SGCD: variants seen among roughly 807,000 people sequenced by gnomAD.
SGCD encodes the protein sarcoglycan delta.
Under a neutral mutation model 36.6 loss-of-function variants are expected in SGCD, and 18 were observed. The observed-to-expected ratio is 0.49, with a 90% CI of 0.34 to 0.73. The LOEUF (loss-of-function observed/expected upper bound fraction) is 0.73. SGCD is among the 30% of genes least tolerant of loss of function. The pLI is 0.01. For missense variants in SGCD, 387 were observed against 346.7 expected, an observed-to-expected ratio of 1.12 and a Z score of -0.92; for synonymous variants, 133 against 130.6, an observed-to-expected ratio of 1.02 and a Z score of -0.12.
At chr5:156,034,773 A>G (rs1210099963) in intron 1 of SGCD, among the ~76,000 whole-genome samples, 1 of 152,214 alleles carries the variant, frequency 6.6e-6, no homozygotes, top group Non-Finnish European at 1.5e-5. Context: ...TTCATCCTTC[A>G]TGCAAGCAGG....
intron 3 of SGCD, among the ~76,000 whole-genome samples, chr5:156,428,414 T>A (rs1773770316): frequency 6.6e-6 from 1 of 152,174 alleles, no homozygotes; most frequent in East Asian, 1.9e-4. Context: ...TTGAGCTTAT[T>A]TGGATCTTCT....
chr5:156,000,201 G>A (rs527426433), intron 1 of SGCD, among the ~76,000 whole-genome samples: 2 of 152,312 alleles, frequency 1.3e-5, no homozygotes, highest in African/African-American at 2.4e-5. Flanking sequence ...CTGCCATTTA[G>A]TGGCTCTGTG....
chr5:156,075,978 C>T (rs965663996), intron 1 of SGCD, among the ~76,000 whole-genome samples: 1 of 152,090 alleles, frequency 6.6e-6, no homozygotes, highest in Admixed American at 6.6e-5. Context: ...TTTTATTACT[C>T]CAAAACCTGG....
Position 156,759,338 on chromosome 5 carries a change from C to T in SGCD, c.821C>T (p.Ser274Phe), listed in dbSNP as rs768051118. The change falls in exon 9 of 9, where the codon TCT becomes TTT. Residue 274 changes from serine to phenylalanine, a missense_variant. By Grantham distance (155) the Ser-to-Phe change is radical. Transcript: ENST00000337851. ...CVCANGRLFLSQAGAGSTCQI... is the reference protein window; with the variant it reads ...CVCANGRLFLFQAGAGSTCQI... Reference sequence around the variant, plus strand: ...TGCGCCAATGGGAGATTATTCCTGTCTCAGGCAGGAGCTGGGTCCACTTGT... The same window carrying T: ...TGCGCCAATGGGAGATTATTCCTGTTTCAGGCAGGAGCTGGGTCCACTTGT... 7 of 1,613,030 alleles carry T rather than the reference C, an allele frequency of 4.3e-6. No individual in the cohort carries two copies. The highest frequency in any genetic ancestry group is 5.1e-6 in the Non-Finnish European group (6 of 1,179,194).
At chr5:156,266,618 G>C (rs1390361520) in intron 3 of SGCD, among the ~76,000 whole-genome samples, 1 of 152,092 alleles carries the variant, frequency 6.6e-6, no homozygotes, top group Non-Finnish European at 1.5e-5. Context: ...AAATAGCTGG[G>C]ATTACAGGCA....
At chr5:156,305,038 C>A (rs934386608) in intron 3 of SGCD, among the ~76,000 whole-genome samples, 1 of 152,074 alleles carries the variant, frequency 6.6e-6, no homozygotes, top group African/African-American at 2.4e-5. Context: ...AGAAGTAGAT[C>A]ATAAAATTTC....
chr5:155,979,523 G>A (rs2033456), intron 1 of SGCD, among the ~76,000 whole-genome samples: 121,837 of 152,162 alleles, frequency 0.8, 49,659 homozygotes, highest in African/African-American at 0.95. Flanking sequence ...GGAAGGGAAA[G>A]AAGGACTGAA....
At chr5:155,890,669 TAGATAGATAGAC>T (rs1756106891) in intron 1 of SGCD, among the ~76,000 whole-genome samples, 1 of 150,452 alleles carries the variant, frequency 6.6e-6, no homozygotes, top group East Asian at 1.9e-4. Flanking sequence ...GATAGATAGA[TAGATAGATAGAC>T]AGATAGATAG....
intron 1 of SGCD, among the ~76,000 whole-genome samples, chr5:155,995,638 A>C (rs903210989): frequency 1.1e-4 from 17 of 152,244 alleles, no homozygotes; most frequent in African/African-American, 3.9e-4. Flanking sequence ...TCAATAGGAA[A>C]ATGGATAAAC....
intron 7 of SGCD, among the ~76,000 whole-genome samples, chr5:156,702,159 G>T (rs2113731900): frequency 6.6e-6 from 1 of 152,224 alleles, no homozygotes. Flanking sequence ...ATTTATGCTG[G>T]TATTACAGGA....
chr5:156,524,282 T>C (rs1341916582), intron 4 of SGCD, among the ~76,000 whole-genome samples: 1 of 99,606 alleles, frequency 1.0e-5, no homozygotes, highest in Non-Finnish European at 2.1e-5. Flanking sequence ...TAGTAATATA[T>C]ATAGTTATAT....
chr5:155,746,345 G>A, the SGCD span, among the ~76,000 whole-genome samples: 2 of 152,034 alleles, frequency 1.3e-5, no homozygotes, highest in African/African-American at 4.8e-5. Flanking sequence ...TAAGAGTACA[G>A]TCCAGCCACT....
chr5:155,842,246 G>GC, the SGCD span, among the ~76,000 whole-genome samples: 3 of 129,054 alleles, frequency 2.3e-5, no homozygotes. Context: ...CATTTGAGGT[G>GC]TTTTTTTTTT....
intron 3 of SGCD, among the ~76,000 whole-genome samples, chr5:156,501,898 A>G (rs1401500849): frequency 1.3e-5 from 2 of 152,190 alleles, no homozygotes; most frequent in Admixed American, 1.3e-4. Context: ...CATTCAGTCA[A>G]GACCTGCTAT....
the SGCD span, among the ~76,000 whole-genome samples, chr5:155,836,989 C>T: frequency 6.6e-6 from 1 of 152,158 alleles, no homozygotes; most frequent in Non-Finnish European, 1.5e-5. Context: ...CACAAATGCA[C>T]ATGTGCAAAC....
At chr5:156,165,479 T>C (rs1312290143) in intron 3 of SGCD, among the ~76,000 whole-genome samples, 1 of 152,214 alleles carries the variant, frequency 6.6e-6, no homozygotes, top group Non-Finnish European at 1.5e-5. Flanking sequence ...CTTTTTTACC[T>C]GATTTTAGGA....
chr5:156,423,320 A>ATATATTATATTTTATTATAATATAT (rs1249756105), intron 3 of SGCD, among the ~76,000 whole-genome samples: 1 of 8,062 alleles, frequency 1.2e-4, no homozygotes, highest in Non-Finnish European at 3.1e-4. Context: ...TTATAATATA[A>ATATATTATATTTTATTATAATATAT]TATATTTTAT....
chr5:156,126,128 G>A (rs1453554903), intron 3 of SGCD, among the ~76,000 whole-genome samples: 2 of 151,852 alleles, frequency 1.3e-5, no homozygotes, highest in African/African-American at 2.4e-5. Flanking sequence ...TGATCCTACC[G>A]CCTCAGCCTC....
chr5:156,345,730 C>A (rs998529129), intron 3 of SGCD, among the ~76,000 whole-genome samples: 1 of 152,048 alleles, frequency 6.6e-6, no homozygotes, highest in Non-Finnish European at 1.5e-5. Flanking sequence ...TAACAAATAC[C>A]AAAACCCTCT....
Sources: gnomAD v4.1 joint callset for allele counts (sites outside exome capture counted in the v4.1 genomes callset) on GRCh38, gnomAD v4.1.1 for gene constraint, MANE v1.5 for transcripts, NCBI Gene and HGNC (gene_info 2026-07-23, HGNC 2026-07-21) for gene names.